The following AGBL4 variants were observed in gnomAD, a reference collection of about 807,000 sequenced individuals.
The protein encoded by AGBL4 is cytosolic carboxypeptidase 6.
A neutral mutation model predicts 66.4 loss-of-function variants in AGBL4; 58 were observed. The ratio of observed to expected loss-of-function variants is 0.87; its 90% CI spans 0.71 to 1.09. The LOEUF is 1.09. Among genes scored for constraint, AGBL4 ranks in the 50% least tolerant of loss-of-function variants. The probability of loss-of-function intolerance (pLI) is 0.00; values close to 1 mark genes in which losing one functional copy is unlikely to be tolerated. For synonymous variants in AGBL4, 234 were observed against 222.9 expected, an observed-to-expected ratio of 1.05 and a Z score of -0.44; for missense variants, 579 against 631.0, an observed-to-expected ratio of 0.92 and a Z score of 0.88.
At chr1:48,971,494 A>C (rs1171440800) in intron 5 of AGBL4, among the ~76,000 whole-genome samples, 1 of 152,068 alleles carries the variant, frequency 6.6e-6, no homozygotes, top group Non-Finnish European at 1.5e-5. Flanking sequence ...AAACAGAAAA[A>C]CTGTTGATAT....
intron 9 of AGBL4, among the ~76,000 whole-genome samples, chr1:48,632,457 T>C (rs1645608382): frequency 6.6e-6 from 1 of 152,214 alleles, no homozygotes; most frequent in African/African-American, 2.4e-5. Flanking sequence ...TTAGCAACCC[T>C]AACCTACTTC....
intron 3 of AGBL4, among the ~76,000 whole-genome samples, chr1:49,443,745 T>C (rs1419703957): frequency 6.6e-6 from 1 of 151,156 alleles, no homozygotes; most frequent in Non-Finnish European, 1.5e-5. Flanking sequence ...TGTATTGTTT[T>C]AAGACTCCAT....
intron 1 of AGBL4, among the ~76,000 whole-genome samples, chr1:49,931,009 G>A (rs905538243): frequency 9.2e-5 from 14 of 151,944 alleles, no homozygotes; most frequent in South Asian, 2.1e-4. Flanking sequence ...AAAATCCTAC[G>A]GAAAAGAATA....
chr1:48,665,166 C>A (rs573741315), intron 6 of AGBL4, among the ~76,000 whole-genome samples: 169 of 152,268 alleles, frequency 1.1e-3, no homozygotes, highest in Non-Finnish European at 2.1e-3. Context: ...ATCATGGAAC[C>A]AAAATATAGT....
At chr1:49,200,370 C>T (rs1364175893) in intron 4 of AGBL4, among the ~76,000 whole-genome samples, 1 of 152,214 alleles carries the variant, frequency 6.6e-6, no homozygotes, top group Non-Finnish European at 1.5e-5. Flanking sequence ...TTTACCCCTA[C>T]ATACATCAAG....
intron 3 of AGBL4, among the ~76,000 whole-genome samples, chr1:49,616,577 T>A (rs919871242): frequency 6.6e-6 from 1 of 152,180 alleles, no homozygotes; most frequent in African/African-American, 2.4e-5. Flanking sequence ...TGGCTTCCAA[T>A]TTATAACTCA....
At chr1:48,805,628 T>C (rs1271225310) in intron 6 of AGBL4, among the ~76,000 whole-genome samples, 1 of 152,162 alleles carries the variant, frequency 6.6e-6, no homozygotes, top group Non-Finnish European at 1.5e-5. Flanking sequence ...TGGCCCAGGA[T>C]GCAGACAACT....
At chr1:49,409,174 T>G (rs1645266549) in intron 3 of AGBL4, among the ~76,000 whole-genome samples, 1 of 59,778 alleles carries the variant, frequency 1.7e-5, no homozygotes, top group African/African-American at 4.7e-5. Flanking sequence ...CTCTCTCTCA[T>G]TTATCCTCCA....
intron 4 of AGBL4, among the ~76,000 whole-genome samples, chr1:49,119,423 A>C (rs1273540916): frequency 1.3e-5 from 2 of 152,200 alleles, no homozygotes; most frequent in East Asian, 1.9e-4. Flanking sequence ...GTTTCAAAGA[A>C]CATCTTTATT....
Position 49,288,472 on chromosome 1 carries a change from G to A in AGBL4, c.283-42608C>T, listed in dbSNP as rs909564528. Among the ~76,000 whole-genome samples the A allele has an allele frequency of 8.0e-4, 122 of 152,112 alleles. 1 individual carries two copies. Among genetic ancestry groups the A allele is most frequent in the African/African-American group, 2.8e-3 (118 of 41,420 alleles). ...ATCTAAGCTTGGCAAAATAGGGATT[G>A]GTTTTCAGGGATGTCAAGGCCATTG... On this transcript the variant is annotated intron_variant, in intron 3 of 13. Transcript: ENST00000371839.
Position 48,964,200 on chromosome 1 carries a change from T to A in AGBL4, c.594+81384A>T, listed in dbSNP as rs80051400. Among the ~76,000 whole-genome samples the A allele has an allele frequency of 3.8e-3, 584 of 152,262 alleles. 4 individuals are homozygous for A. Among genetic ancestry groups the A allele is most frequent in the African/African-American group, 0.013 (555 of 41,538 alleles). ...CTGGGACCCATGTCTTAGGACAAAA[T>A]GTTAAGTTCCAACTGATCCTACTGC... On this transcript the variant is annotated intron_variant, in intron 5 of 13. Coordinates refer to ENST00000371839, the MANE Select transcript of AGBL4 (RefSeq NM_032785.4).
intron 2 of AGBL4, among the ~76,000 whole-genome samples, chr1:49,822,696 T>C (rs989487027): frequency 8.5e-5 from 13 of 152,312 alleles, no homozygotes; most frequent in South Asian, 6.2e-4. Context: ...TACAAACTCA[T>C]ACTGAAGTAT....
intron 5 of AGBL4, among the ~76,000 whole-genome samples, chr1:48,969,247 T>G (rs936815842): frequency 6.6e-6 from 1 of 152,144 alleles, no homozygotes; most frequent in Non-Finnish European, 1.5e-5. Context: ...ACACTCCTTA[T>G]TTCCCAGTTA....
intron 3 of AGBL4, among the ~76,000 whole-genome samples, chr1:49,486,084 G>A (rs977793199): frequency 1.3e-4 from 19 of 151,936 alleles, no homozygotes; most frequent in African/African-American, 4.1e-4. Context: ...TGCTTTGGAA[G>A]GAGTCTGTGG....
At chr1:49,704,166 G>A (rs909042457) in intron 2 of AGBL4, among the ~76,000 whole-genome samples, 2 of 151,984 alleles carry the variant, frequency 1.3e-5, no homozygotes, top group Admixed American at 6.6e-5. Context: ...TGTAGAAATT[G>A]ATTATCTCAT....
chr1:48,685,103 C>T (rs1482157618), intron 6 of AGBL4, among the ~76,000 whole-genome samples: 3 of 152,170 alleles, frequency 2.0e-5, no homozygotes, highest in Non-Finnish European at 2.9e-5. Flanking sequence ...AGGGGCCAGC[C>T]CTCCTCAGCA....
intron 1 of AGBL4, among the ~76,000 whole-genome samples, chr1:49,883,297 G>A (rs1258022335): frequency 1.3e-5 from 2 of 151,912 alleles, no homozygotes; most frequent in African/African-American, 2.4e-5. Flanking sequence ...ATGCATATTT[G>A]TTTTTCCTTA....
chr1:49,345,502 GA>G (rs908853230), intron 3 of AGBL4, among the ~76,000 whole-genome samples: 3 of 150,616 alleles, frequency 2.0e-5, no homozygotes, highest in South Asian at 2.1e-4. Flanking sequence ...AAATAGAGAG[GA>G]AAAAAAAATT....
intron 4 of AGBL4, among the ~76,000 whole-genome samples, chr1:49,111,302 C>T (rs931276659): frequency 5.9e-5 from 9 of 152,050 alleles, no homozygotes; most frequent in East Asian, 3.9e-4. Flanking sequence ...TTAGTAGAGA[C>T]GAGGTTTCAC....
Sources: gnomAD v4.1 joint callset for allele counts (sites outside exome capture counted in the v4.1 genomes callset) on GRCh38, gnomAD v4.1.1 for gene constraint, MANE v1.5 for transcripts, NCBI Gene and HGNC (gene_info 2026-07-23, HGNC 2026-07-21) for gene names.